BTBD7: variants seen among roughly 807,000 people sequenced by gnomAD.
BTBD7 encodes BTB/POZ domain-containing protein 7.
A neutral mutation model predicts 99.9 loss-of-function variants in BTBD7; 38 were observed. The observed-to-expected ratio is 0.38, with a 90% CI of 0.29 to 0.50. The LOEUF is 0.50. BTBD7 is among the 20% of genes least tolerant of loss of function. The pLI is 0.93. For missense variants in BTBD7, 1,170 were observed against 1,394.6 expected (o/e 0.84, Z 2.57); for synonymous variants, 520 against 511.4 (o/e 1.02, Z -0.23).
chr14:93,285,170 A>T (rs1194357717), intron 3 of BTBD7, among the ~76,000 whole-genome samples: 1 of 152,170 alleles, frequency 6.6e-6, no homozygotes, highest in Non-Finnish European at 1.5e-5. Flanking sequence ...CAGAGGGAAG[A>T]GTGTCAATAT....
intron 3 of BTBD7, chr14:93,288,481 G>A (rs745955379): frequency 6.8e-6 from 5 of 734,384 alleles, no homozygotes; most frequent in East Asian, 2.5e-5. Flanking sequence ...TCCATAAAAA[G>A]TTCTTTTATA....
At chr14:93,331,488 T>A (rs993094219) in intron 1 of BTBD7, among the ~76,000 whole-genome samples, 1 of 152,248 alleles carries the variant, frequency 6.6e-6, no homozygotes, top group African/African-American at 2.4e-5. Context: ...AACGTATGAT[T>A]CTTGCAAAGC....
At chr14:93,319,638 T>C (rs553086884) in intron 1 of BTBD7, among the ~76,000 whole-genome samples, 3 of 151,848 alleles carry the variant, frequency 2.0e-5, no homozygotes, top group African/African-American at 7.2e-5. Flanking sequence ...GAAAGGGGAG[T>C]TGTCAGGGGC....
intron 1 of BTBD7, among the ~76,000 whole-genome samples, chr14:93,317,393 TG>T (rs2053220246): frequency 6.6e-6 from 1 of 151,546 alleles, no homozygotes; most frequent in Non-Finnish European, 1.5e-5. Flanking sequence ...AAACAGGGTT[TG>T]GTATGTCGCC....
intron 3 of BTBD7, among the ~76,000 whole-genome samples, chr14:93,266,976 G>C (rs2052549685): frequency 6.6e-6 from 1 of 152,216 alleles, no homozygotes; most frequent in African/African-American, 2.4e-5. Context: ...GAGGAGGACA[G>C]ACCTCATTCA....
Position 93,294,103 on chromosome 14 carries a change from G to A in BTBD7, c.917C>T (p.Thr306Ile), listed in dbSNP as rs1250362486. 5 of 1,613,996 alleles carry A rather than the reference G, an allele frequency of 3.1e-6. No homozygotes were observed. In the Admixed American group the frequency reaches 6.7e-5, roughly 22 times the overall value. Residue 306 changes from threonine to isoleucine, a missense_variant, in exon 3 of 11, where the codon ACT (threonine) becomes ATT (isoleucine). Around this residue, in one of 4 missense-constraint regions of BTBD7, gnomAD observed 359 missense variants for 497.9 expected, o/e 0.72. Coordinates refer to ENST00000334746, the MANE Select transcript of BTBD7 (RefSeq NM_001002860.4). ...IRTGEEITDR[T>I]LRTPTRIILD... The stretch of plus-strand genomic sequence containing the variant: ...TATAATTCTTGTGGGAGTCCTCAAA[G>A]TTCGGTCTGTGATTTCTTCACCAGT...
At chr14:93,305,828 A>G (rs766675316) in intron 1 of BTBD7, among the ~76,000 whole-genome samples, 1 of 152,188 alleles carries the variant, frequency 6.6e-6, no homozygotes. Flanking sequence ...GACCACCCCA[A>G]TATCTGGTGA....
At chr14:93,327,716 A>G (rs1401304261) in intron 1 of BTBD7, among the ~76,000 whole-genome samples, 1 of 152,236 alleles carries the variant, frequency 6.6e-6, no homozygotes, top group African/African-American at 2.4e-5. Context: ...AAGATCAGGA[A>G]CAAGCCAAGG....
intron 3 of BTBD7, among the ~76,000 whole-genome samples, chr14:93,283,306 G>A (rs939398500): frequency 8.5e-5 from 13 of 152,094 alleles, no homozygotes; most frequent in African/African-American, 1.9e-4. Context: ...TTGAACTTCT[G>A]AGCTCAAGCT....
chr14:93,263,809 A>G lies in BTBD7; in HGVS notation c.1347T>C (p.Thr449=). 1 of 1,614,178 alleles carries G rather than the reference A, an allele frequency of 6.2e-7. No individual in the cohort carries two copies. The highest frequency in any genetic ancestry group is 8.5e-7 in the Non-Finnish European group (1 of 1,179,994). Residue 449 remains threonine, a synonymous_variant, in exon 4 of 11, where the codon ACT becomes ACC. Transcript: ENST00000334746. The part of the protein sequence containing the change: ...FYELSKDHLL[T]AIQSDYLQAS... ...CCTGTAGGTAGTCAGACTGGATAGC[A>G]GTAAGCAGATGGTCTTTGCTGAGTT...
chr14:93,277,158 T>C (rs2139732621), intron 3 of BTBD7, among the ~76,000 whole-genome samples: 1 of 152,272 alleles, frequency 6.6e-6, no homozygotes, highest in Admixed American at 6.5e-5. Flanking sequence ...CACCTTGGCC[T>C]CCCAAAGTGC....
chr14:93,251,796 G>T, intron 7 of BTBD7, 144 bp from the exon 8 acceptor site: 1 of 726,752 alleles, frequency 1.4e-6, no homozygotes, highest in Non-Finnish European at 1.9e-6. Context: ...GTGAAAGAAA[G>T]TTCCCCTACA....
At chr14:93,244,683 A>G (rs2052282275) in intron 10 of BTBD7, among the ~76,000 whole-genome samples, 1 of 152,018 alleles carries the variant, frequency 6.6e-6, no homozygotes, top group South Asian at 2.1e-4. Context: ...ATAAATAAAT[A>G]AAATCTTGAG....
At chr14:93,314,105 A>G (rs11629390) in intron 1 of BTBD7, among the ~76,000 whole-genome samples, 3 of 152,098 alleles carry the variant, frequency 2.0e-5, no homozygotes, top group Non-Finnish European at 4.4e-5. Flanking sequence ...TCTTAAATAA[A>G]ATATCTGCTA....
intron 3 of BTBD7, chr14:93,288,369 A>G: frequency 1.6e-6 from 1 of 620,304 alleles, no homozygotes; most frequent in South Asian, 2.0e-5. Flanking sequence ...GATTTCCTCA[A>G]CTGTACCTTT....
intron 3 of BTBD7, among the ~76,000 whole-genome samples, chr14:93,273,803 A>T (rs1310330196): frequency 6.6e-6 from 1 of 152,184 alleles, no homozygotes; most frequent in Non-Finnish European, 1.5e-5. Flanking sequence ...GCACAGTCTG[A>T]TTGGGAAAAT....
Position 93,319,841 on chromosome 14 carries a change from C to T in BTBD7, c.-107+12979G>A, listed in dbSNP as rs998484261. ...AAAAATAAAAATGAATAGGACAACA[C>T]ATATGAGAGACAACATTAAGCACTA... On this transcript the variant is annotated intron_variant, in intron 1 of 10. Transcript: ENST00000334746. 2.6e-5 allele frequency among the ~76,000 whole-genome samples: 4 copies of T among 152,088 alleles called. No homozygotes were observed. The East Asian group carries it at 7.7e-4, about 29-fold the overall frequency.
At chr14:93,258,136 A>T (rs941966603) in intron 5 of BTBD7, among the ~76,000 whole-genome samples, 1 of 146,436 alleles carries the variant, frequency 6.8e-6, no homozygotes, top group Non-Finnish European at 1.5e-5. Flanking sequence ...ATAAGATCTT[A>T]TTATTCATGA....
chr14:93,300,254 G>GTTT (rs1218577542), intron 1 of BTBD7, among the ~76,000 whole-genome samples: 1 of 136,946 alleles, frequency 7.3e-6, no homozygotes, highest in African/African-American at 2.6e-5. Context: ...TTCTTTCTTT[G>GTTT]TTCTTTTTTT....
Sources: gnomAD v4.1 joint callset for allele counts (sites outside exome capture counted in the v4.1 genomes callset) on GRCh38, gnomAD v4.1.1 for gene constraint, gnomAD v4.1.1 regional missense constraint, MANE v1.5 for transcripts, NCBI Gene and HGNC (gene_info 2026-07-23, HGNC 2026-07-21) for gene names.